Variants in SLIT3 observed in about 807,000 individuals in gnomAD.
SLIT3 encodes slit guidance ligand 3.
A neutral mutation model predicts 184.0 loss-of-function variants in SLIT3; 68 were observed. The ratio of observed to expected loss-of-function variants is 0.37; its 90% CI spans 0.30 to 0.45. The LOEUF is 0.45. Among genes scored for constraint, SLIT3 ranks in the 20% least tolerant of loss-of-function variants. The pLI, the probability that SLIT3 is intolerant of heterozygous loss-of-function variation, is 1.00. For synonymous variants in SLIT3, 831 were observed against 828.6 expected, an observed-to-expected ratio of 1.00 and a Z score of -0.05; for missense variants, 1,707 against 2,026.0, an observed-to-expected ratio of 0.84 and a Z score of 3.02.
chr5:169,137,335 C>CAGAG (rs1554101372), intron 4 of SLIT3, among the ~76,000 whole-genome samples: 7,408 of 138,556 alleles, frequency 0.053, 219 homozygotes, highest in Middle Eastern at 0.089. Flanking sequence ...CACACACACA[C>CAGAG]AGAGAGAGAG....
chr5:169,239,489 CTAAT>C (rs1765319185), intron 3 of SLIT3, among the ~76,000 whole-genome samples: 1 of 152,058 alleles, frequency 6.6e-6, no homozygotes, highest in South Asian at 2.1e-4. Flanking sequence ...TTTAATTTCT[CTAAT>C]TGATATAAGA....
At chr5:168,835,006 C>A (rs144226992) in intron 6 of SLIT3, among the ~76,000 whole-genome samples, 7 of 152,142 alleles carry the variant, frequency 4.6e-5, no homozygotes, top group Non-Finnish European at 8.8e-5. Context: ...TTTAAAAATT[C>A]AGTTTCTCAG....
In SLIT3 at chr5:168,950,576, C is replaced by T. The variant is rs115074337; in HGVS notation, c.414-67240G>A. ...AGTACCAAATGAATGAACTCTGTTTCGATAAAACTTTATTTACAGAAACAT... is the reference window on the plus strand; with the variant it reads ...AGTACCAAATGAATGAACTCTGTTTTGATAAAACTTTATTTACAGAAACAT... On this transcript the variant is annotated intron_variant, in intron 4 of 35. Coordinates refer to ENST00000519560, the MANE Select transcript of SLIT3 (RefSeq NM_003062.4). Among the ~76,000 whole-genome samples the T allele has an allele frequency of 3.1e-3, 479 of 152,314 alleles. 6 individuals carry two copies. The highest frequency in any genetic ancestry group is 0.011 in the African/African-American group (438 of 41,564).
At chr5:169,209,910 C>G (rs111753966) in intron 3 of SLIT3, among the ~76,000 whole-genome samples, 1 of 151,848 alleles carries the variant, frequency 6.6e-6, no homozygotes. Context: ...CAAACCTGCA[C>G]GTTCTGCACA....
At chr5:169,179,596 G>C (rs1041600462) in intron 4 of SLIT3, among the ~76,000 whole-genome samples, 1 of 151,926 alleles carries the variant, frequency 6.6e-6, no homozygotes, top group Non-Finnish European at 1.5e-5. Context: ...TTTCTCTTTG[G>C]TGGGAGACCC....
chr5:168,827,043 T>C (rs1021664454), intron 6 of SLIT3, among the ~76,000 whole-genome samples: 1 of 152,194 alleles, frequency 6.6e-6, no homozygotes, highest in Admixed American at 6.5e-5. Flanking sequence ...GGATTACAGG[T>C]GTGAGCCACC....
intron 4 of SLIT3, among the ~76,000 whole-genome samples, chr5:169,098,327 C>T (rs745602288): frequency 6.6e-6 from 1 of 152,210 alleles, no homozygotes; most frequent in African/African-American, 2.4e-5. Flanking sequence ...ACACAGTATA[C>T]ATGCAACCGA....
chr5:169,006,516 A>G (rs1400444379), intron 4 of SLIT3, among the ~76,000 whole-genome samples: 1 of 151,992 alleles, frequency 6.6e-6, no homozygotes, highest in Non-Finnish European at 1.5e-5. Flanking sequence ...TGTTTTTTAA[A>G]CAGTTAAATC....
At chr5:168,919,790 A>C (rs1295090686) in intron 4 of SLIT3, among the ~76,000 whole-genome samples, 1 of 152,176 alleles carries the variant, frequency 6.6e-6, no homozygotes, top group African/African-American at 2.4e-5. Context: ...CCTAATAGTA[A>C]CATTATGTTT....
At chr5:168,946,193 C>T (rs966685354) in intron 4 of SLIT3, among the ~76,000 whole-genome samples, 6 of 152,156 alleles carry the variant, frequency 3.9e-5, no homozygotes, top group African/African-American at 1.4e-4. Flanking sequence ...TACACGTTGA[C>T]CCTTTAGCTC....
In SLIT3 at chr5:168,666,633, C is replaced by T; in HGVS notation, c.4393G>A (p.Ala1465Thr). The change falls in exon 36 of 36, where the codon GCA (alanine) becomes ACA (threonine). Residue 1465 changes from alanine to threonine, a missense_variant. Coordinates refer to ENST00000519560, the MANE Select transcript of SLIT3 (RefSeq NM_003062.4). ...ACCTTGGAGGCTGTGGCACATGATGCATAACCTTTCTGGCGGCGGATCACC... is the reference window on the plus strand; with the variant it reads ...ACCTTGGAGGCTGTGGCACATGATGTATAACCTTTCTGGCGGCGGATCACC... ...REVIRRQKGY[A>T]SCATASKVPI... 1 of 1,614,224 alleles carries T rather than the reference C, an allele frequency of 6.2e-7. No individual in the cohort carries two copies. The highest frequency in any genetic ancestry group is 8.5e-7 in the Non-Finnish European group (1 of 1,180,046).
chr5:168,686,562 G>T (rs912594660), intron 30 of SLIT3, among the ~76,000 whole-genome samples: 1 of 152,152 alleles, frequency 6.6e-6, no homozygotes, highest in Non-Finnish European at 1.5e-5. Flanking sequence ...TAGAATAGAG[G>T]TTACCACTGA....
At chr5:168,788,699 TTGTC>T (rs1756249430) in intron 11 of SLIT3, among the ~76,000 whole-genome samples, 2 of 151,592 alleles carry the variant, frequency 1.3e-5, no homozygotes, top group South Asian at 4.2e-4. Flanking sequence ...GGAGCTTAGA[TTGTC>T]TGAGTTCTTC....
chr5:169,033,317 G>C (rs749170125), intron 4 of SLIT3, among the ~76,000 whole-genome samples: 1 of 152,008 alleles, frequency 6.6e-6, no homozygotes, highest in Non-Finnish European at 1.5e-5. Context: ...TTCCAATCTA[G>C]ACATATACCA....
chr5:168,687,868 T>G (rs1473905817), intron 29 of SLIT3, among the ~76,000 whole-genome samples: 2 of 152,222 alleles, frequency 1.3e-5, no homozygotes, highest in Admixed American at 6.5e-5. Context: ...GTGGCTCATA[T>G]TACCTGGGCA....
At chr5:169,241,236 A>G (rs1765394763) in intron 3 of SLIT3, among the ~76,000 whole-genome samples, 1 of 152,190 alleles carries the variant, frequency 6.6e-6, no homozygotes, top group African/African-American at 2.4e-5. Context: ...AGGTAAATAT[A>G]TTAAGCAAAG....
intron 4 of SLIT3, among the ~76,000 whole-genome samples, chr5:169,166,260 T>C (rs929977320): frequency 3.9e-5 from 6 of 152,098 alleles, no homozygotes; most frequent in Admixed American, 3.9e-4. Context: ...GGCTAGAGAA[T>C]CGTTTGCTGA....
At chr5:168,782,833 T>G (rs1581077165) in intron 12 of SLIT3, among the ~76,000 whole-genome samples, 1 of 152,180 alleles carries the variant, frequency 6.6e-6, no homozygotes, top group East Asian at 1.9e-4. Flanking sequence ...CAATAAGGGT[T>G]GCTAGTAATA....
intron 4 of SLIT3, among the ~76,000 whole-genome samples, chr5:168,977,700 C>T (rs1754815183): frequency 6.6e-6 from 1 of 152,110 alleles, no homozygotes; most frequent in Non-Finnish European, 1.5e-5. Context: ...TCAACCTTCC[C>T]TTTGATTCTA....
Sources: allele counts gnomAD v4.1 joint callset (sites outside exome capture counted in the v4.1 genomes callset), GRCh38; gene constraint gnomAD v4.1.1; transcripts MANE v1.5; gene names NCBI Gene and HGNC (gene_info 2026-07-23, HGNC 2026-07-21).